MAB21L3: variants seen among roughly 807,000 people sequenced by gnomAD.
The protein encoded by MAB21L3 is protein mab-21-like 3.
A neutral mutation model predicts 37.7 loss-of-function variants in MAB21L3; 36 were observed. The ratio of observed to expected loss-of-function variants is 0.96; its 90% confidence interval spans 0.73 to 1.26. MAB21L3 has a LOEUF of 1.26. MAB21L3 is among the 50% of genes most tolerant of loss of function. The pLI is 0.00. For synonymous variants in MAB21L3, 186 were observed against 176.8 expected, an observed-to-expected ratio of 1.05 and a Z score of -0.41; for missense variants, 430 against 447.3, an observed-to-expected ratio of 0.96 and a Z score of 0.35.
Position 116,133,209 on chromosome 1 carries a change from G to T in MAB21L3, c.933G>T (p.Leu311=), listed in dbSNP as rs755375881. 1.2e-6 allele frequency: 2 copies of T among 1,614,074 alleles called. No homozygotes were observed. The highest frequency in any genetic ancestry group is 1.7e-6 in the Non-Finnish European group (2 of 1,180,044). ...WQVFSKAFLR[L]VRKLHKCVSQ... ...TCTTCAGCAAAGCATTTCTGCGCCT[G>T]GTGAGGAAACTGCACAAGTGCGTGA... Residue 311 remains leucine, a synonymous_variant, in exon 8 of 8, where the codon CTG becomes CTT. Transcript: ENST00000369500.
intron 4 of MAB21L3, 92 bp from the exon 5 acceptor site, chr1:116,123,974 A>G (rs1557930977): frequency 5.9e-6 from 8 of 1,350,372 alleles, no homozygotes; most frequent in Non-Finnish European, 7.1e-6. Flanking sequence ...TGGTTAACAG[A>G]GCTGCCTGAC....
intron 7 of MAB21L3, among the ~76,000 whole-genome samples, chr1:116,132,565 G>C (rs575149637): frequency 6.6e-6 from 1 of 152,282 alleles, no homozygotes; most frequent in East Asian, 1.9e-4. Context: ...AATGGGAGGA[G>C]AGGAAATGAC....
In MAB21L3 at chr1:116,124,296, C is replaced by A; in HGVS notation, c.420C>A (p.Ala140=). 1 of 1,614,106 alleles carries A rather than the reference C, an allele frequency of 6.2e-7. No homozygotes were observed. The highest frequency in any genetic ancestry group is 8.5e-7 in the Non-Finnish European group (1 of 1,180,036). ...ACATCGACGGAGACATTGTGCCTGC[C>A]AAGGTCCTCCTAGTGTTCCGGAAGC... is the stretch of plus-strand genomic sequence containing the variant. ...DVNIDGDIVP[A]KVLLVFRKLV... is the part of the protein sequence containing the mutation. Residue 140 remains alanine (A), a synonymous_variant, in exon 5 of 8, where the codon GCC becomes GCA. Transcript: ENST00000369500.
Position 116,119,982 on chromosome 1 carries a change from T to C in MAB21L3, c.49-950T>C, listed in dbSNP as rs893924467. ...AGTACGGAGGCAAAGAGAACCATCA[T>C]TTACTGATGACATCAGTGGGAAGCA... On this transcript the variant is annotated intron_variant, in intron 3 of 7. Coordinates refer to ENST00000369500, the MANE Select transcript of MAB21L3 (RefSeq NM_152367.3). Among the ~76,000 whole-genome samples the C allele has an allele frequency of 6.1e-4, 93 of 152,114 alleles. 2 individuals are homozygous for C. Among genetic ancestry groups the C allele is most frequent in the Admixed American group, 4.3e-3 (65 of 15,266 alleles).
At position 116,137,808 on chromosome 1, in the gene MAB21L3, T is replaced by A. The variant is rs983770397; in HGVS notation, c.*4443T>A. ...CTATGCAGCCATAAAAAATGATGAG[T>A]TCATGTCCTTTGTAGGGACATGGGT... On this transcript the variant is annotated 3_prime_UTR_variant, in exon 8 of 8. Coordinates refer to ENST00000369500, the MANE Select transcript of MAB21L3 (RefSeq NM_152367.3). 1.4e-4 allele frequency among the ~76,000 whole-genome samples: 21 copies of A among 151,474 alleles called. No individual in the cohort carries two copies. Among genetic ancestry groups the A allele is most frequent in the African/African-American group, 4.9e-4 (20 of 41,132 alleles).
At chr1:116,124,407 C>A in intron 5 of MAB21L3, 50 bp downstream of exon 5, 1 of 1,550,456 alleles carries the variant, frequency 6.4e-7, no homozygotes, top group South Asian at 1.2e-5. Context: ...ATTCCCCTTT[C>A]ACTCTATAAA....
rs753439817 is a variant in MAB21L3 at position 116,120,971 on chromosome 1, G to A, written c.88G>A (p.Glu30Lys). The change falls in exon 4 of 8, where the codon GAG becomes AAG. Residue 30 changes from glutamate to lysine, a missense_variant. Coordinates refer to ENST00000369500, the MANE Select transcript of MAB21L3 (RefSeq NM_152367.3). ...RRQQISQAVE[E>K]VQKVVHHLTT... ...CCAGCAGATTTCCCAGGCTGTGGAG[G>A]AGGTGCAGAAAGTCGTTCATCATTT... 1.2e-6 allele frequency: 2 copies of A among 1,614,224 alleles called. No homozygotes were observed. The highest frequency in any genetic ancestry group is 2.2e-5 in the East Asian group (1 of 44,884).
At position 116,112,681 on chromosome 1, in the gene MAB21L3, C is replaced by T; in HGVS notation, c.48+18C>T. The T allele has an allele frequency of 6.2e-7, 1 of 1,613,440 alleles. No individual in the cohort carries two copies. Among genetic ancestry groups the T allele is most frequent in the Non-Finnish European group, 8.5e-7 (1 of 1,179,400 alleles). Reference sequence around the variant, plus strand: ...TGAATAAGGTAAGGACAGACCCGGTCTCTCCCATGAACCCCCTCCCCATTC... The same window carrying T: ...TGAATAAGGTAAGGACAGACCCGGTTTCTCCCATGAACCCCCTCCCCATTC... On this transcript the variant is annotated intron_variant, in intron 3 of 7. Transcript: ENST00000369500.
chr1:116,118,810 T>A (rs1431927783), intron 3 of MAB21L3, among the ~76,000 whole-genome samples: 2 of 152,174 alleles, frequency 1.3e-5, no homozygotes, highest in Non-Finnish European at 2.9e-5. Flanking sequence ...TAACGCCTAG[T>A]AAGCTTTCAA....
rs947343286 is a variant in MAB21L3, at chr1:116,134,439, A to C, written c.*1074A>C. ...TATTACAGATGGAAGCAAGTGCTTCAAAGGAAATAAACAGAATGTTGAAGT... is the reference window on the plus strand; with the variant it reads ...TATTACAGATGGAAGCAAGTGCTTCCAAGGAAATAAACAGAATGTTGAAGT... On this transcript the variant is annotated 3_prime_UTR_variant, in exon 8 of 8. Transcript: ENST00000369500. The C allele has an allele frequency of 2.6e-5, 4 of 152,274 alleles. No individual in the cohort carries two copies. Among genetic ancestry groups the C allele is most frequent in the Non-Finnish European group, 5.9e-5 (4 of 68,052 alleles). The allele number at this position is 152,274 out of a possible 1,614,324, so 9.4% of individuals were successfully genotyped here.
In MAB21L3 at chr1:116,112,415, T is replaced by C. The variant is rs760345058; in HGVS notation, c.-201T>C. On this transcript the variant is annotated 5_prime_UTR_variant, in exon 3 of 8. The change abolishes an upstream ATG in the 5' untranslated region. Coordinates refer to ENST00000369500, the MANE Select transcript of MAB21L3 (RefSeq NM_152367.3). ...TTTTAATTTCCCAAAAGATGACAGA[T>C]GGATTTTCACAATTTGGAAATAAAA... 13 of 459,848 alleles carry C rather than the reference T, an allele frequency of 2.8e-5. No individual in the cohort carries two copies. Among genetic ancestry groups the C allele is most frequent in the Non-Finnish European group, 5.1e-5 (13 of 255,812 alleles). The allele number at this position is 459,848 out of a possible 1,614,324, so 28.5% of individuals were successfully genotyped here. A position where few individuals can be genotyped will look rare whatever the true frequency, so the allele number is the denominator to read the frequency against.
chr1:116,120,495 C>A (rs1659716371), intron 3 of MAB21L3, among the ~76,000 whole-genome samples: 1 of 150,782 alleles, frequency 6.6e-6, no homozygotes, highest in South Asian at 2.1e-4. Context: ...ATATGTGTGT[C>A]TGTGTGTATA....
intron 3 of MAB21L3, among the ~76,000 whole-genome samples, chr1:116,120,525 A>G (rs969063908): frequency 1.3e-4 from 19 of 150,840 alleles, no homozygotes; most frequent in African/African-American, 3.9e-4. Flanking sequence ...ATGACACTAT[A>G]TATTATAATA....
chr1:116,128,773 CGCACACCTCCTCAT>C (rs1204050651), intron 7 of MAB21L3, among the ~76,000 whole-genome samples: 4 of 152,300 alleles, frequency 2.6e-5, no homozygotes, highest in African/African-American at 9.6e-5. Flanking sequence ...CTGCAGCCTA[CGCACACCTCCTCAT>C]GCACACAGAC....
chr1:116,124,654 T>C lies in MAB21L3; in HGVS notation c.481+297T>C, dbSNP rs140648254. Among the ~76,000 whole-genome samples, 375 of 152,288 alleles carry C rather than the reference T, an allele frequency of 2.5e-3. 1 individual carries two copies. The highest frequency in any genetic ancestry group is 8.5e-3 in the African/African-American group (352 of 41,552). ...TTAACCAGGCTTAAAAACTTAAGCG[T>C]ATTGTTTTTTAAAAAAGCAAATTAT... On this transcript the variant is annotated intron_variant, in intron 5 of 7. Coordinates refer to ENST00000369500, the MANE Select transcript of MAB21L3 (RefSeq NM_152367.3).
At chr1:116,120,418 CACACACACACACAA>C (rs1659708847) in intron 3 of MAB21L3, among the ~76,000 whole-genome samples, 1 of 129,926 alleles carries the variant, frequency 7.7e-6, no homozygotes, top group Admixed American at 7.1e-5. Flanking sequence ...CACACACACA[CACACACACACACAA>C]ACACACACAC....
At chr1:116,129,792 C>T (rs181099731) in intron 7 of MAB21L3, among the ~76,000 whole-genome samples, 9 of 152,160 alleles carry the variant, frequency 5.9e-5, no homozygotes, top group South Asian at 2.1e-4. Flanking sequence ...CTCTTTTTTT[C>T]GCACAAAATC....
At position 116,135,658 on chromosome 1, in the gene MAB21L3, G is replaced by A. The variant is rs374734836; in HGVS notation, c.*2293G>A. On this transcript the variant is annotated 3_prime_UTR_variant, in exon 8 of 8. Coordinates refer to ENST00000369500, the MANE Select transcript of MAB21L3 (RefSeq NM_152367.3). ...CCAGCATCATCCTGATACCAAAGCC[G>A]GGCAGAGACACAACTAAAAAAGAGA... 1.1e-4 allele frequency among the ~76,000 whole-genome samples: 16 copies of A among 152,228 alleles called. No individual in the cohort carries two copies. In the South Asian group the frequency reaches 1.7e-3, roughly 16 times the overall value.
rs1292523042 is a variant in MAB21L3 at position 116,138,004 on chromosome 1, G to C, written c.*4639G>C. On this transcript the variant is annotated 3_prime_UTR_variant, in exon 8 of 8. Coordinates refer to ENST00000369500, the MANE Select transcript of MAB21L3 (RefSeq NM_152367.3). ...GGGGGGAGGGGGGAGGGATAGCATT[G>C]GGAGATATACCTAATGCTAGATGAC... Among the ~76,000 whole-genome samples the C allele has an allele frequency of 6.7e-6, 1 of 148,150 alleles. No individual in the cohort carries two copies. The highest frequency in any genetic ancestry group is 1.5e-5 in the Non-Finnish European group (1 of 67,142).
Sources: gnomAD v4.1 joint callset for allele counts (sites outside exome capture counted in the v4.1 genomes callset) on GRCh38, gnomAD v4.1.1 for gene constraint, MANE v1.5 for transcripts, NCBI Gene and HGNC (gene_info 2026-07-23, HGNC 2026-07-21) for gene names.